ELP3: variants seen among roughly 807,000 people sequenced by gnomAD.
ELP3 encodes the protein elongator acetyltransferase complex subunit 3.
Under a neutral mutation model 74.9 loss-of-function variants are expected in ELP3, and 56 were observed. That is an observed-to-expected ratio of 0.75 (90% CI 0.60 to 0.93). The LOEUF (loss-of-function observed/expected upper bound fraction) is 0.93, where lower values mean the gene tolerates loss of function less well. Among genes scored for constraint, ELP3 ranks in the 40% least tolerant of loss-of-function variants. The pLI is 0.00. For synonymous variants in ELP3, 222 were observed against 239.8 expected (o/e 0.93, Z 0.68); for missense variants, 573 against 686.5 (o/e 0.83, Z 1.85).
chr8:28,154,785 C>A (rs1813765570), intron 10 of ELP3, among the ~76,000 whole-genome samples: 1 of 152,092 alleles, frequency 6.6e-6, no homozygotes. Flanking sequence ...TTACTGATAA[C>A]TGTTAAGTAA....
At chr8:28,138,290 A>G (rs919643515) in intron 10 of ELP3, among the ~76,000 whole-genome samples, 4 of 152,184 alleles carry the variant, frequency 2.6e-5, no homozygotes, top group Non-Finnish European at 5.9e-5. Context: ...AAGTAGCAAC[A>G]ATCACTCTTT....
intron 10 of ELP3, among the ~76,000 whole-genome samples, chr8:28,139,877 G>A (rs539193245): frequency 1.5e-4 from 23 of 152,240 alleles, no homozygotes; most frequent in South Asian, 1.0e-3. Context: ...CCTGGGAGGC[G>A]GAGGTTGCAG....
chr8:28,160,736 C>A (rs1814044255), intron 13 of ELP3, among the ~76,000 whole-genome samples: 1 of 152,066 alleles, frequency 6.6e-6, no homozygotes, highest in South Asian at 2.1e-4. Flanking sequence ...ACTTTGTCAC[C>A]CAGGCCAGAG....
At chr8:28,153,956 C>G (rs755779933) in intron 10 of ELP3, among the ~76,000 whole-genome samples, 7 of 152,158 alleles carry the variant, frequency 4.6e-5, no homozygotes, top group Non-Finnish European at 1.0e-4. Flanking sequence ...CCATGGTATT[C>G]CGCACCTCTT....
chr8:28,169,611 T>C (rs1160506485), intron 14 of ELP3, among the ~76,000 whole-genome samples: 1 of 152,242 alleles, frequency 6.6e-6, no homozygotes, highest in East Asian at 1.9e-4. Flanking sequence ...CTAGAATGTC[T>C]ATATTAGTTA....
chr8:28,168,114 C>T (rs1814379866), intron 14 of ELP3, among the ~76,000 whole-genome samples: 1 of 152,210 alleles, frequency 6.6e-6, no homozygotes, highest in African/African-American at 2.4e-5. Context: ...GAATCAGGTA[C>T]CAGTTTGTAG....
chr8:28,158,868 A>G (rs1813951933), intron 12 of ELP3, among the ~76,000 whole-genome samples: 2 of 152,254 alleles, frequency 1.3e-5, no homozygotes, highest in Non-Finnish European at 2.9e-5. Flanking sequence ...GTCCAGTGGA[A>G]CTTTCTGCAG....
intron 14 of ELP3, among the ~76,000 whole-genome samples, chr8:28,182,794 G>A (rs570563020): frequency 2.0e-5 from 3 of 152,334 alleles, no homozygotes; most frequent in South Asian, 4.1e-4. Flanking sequence ...GCCACGTGGT[G>A]CGTATCTTTT....
chr8:28,186,760 C>T (rs1280964467), intron 14 of ELP3, among the ~76,000 whole-genome samples: 1 of 152,162 alleles, frequency 6.6e-6, no homozygotes, highest in Non-Finnish European at 1.5e-5. Context: ...CTTGTAAAAC[C>T]ACTAGAACTC....
At chr8:28,093,035 G>A, upstream of ELP3, 3 of 1,006,922 alleles carry the variant, frequency 3.0e-6, no homozygotes, top group Non-Finnish European at 4.5e-6. Context: ...CTGCTACCCT[G>A]TTAGTTGCAA....
intron 14 of ELP3, among the ~76,000 whole-genome samples, chr8:28,180,077 G>T (rs997663083): frequency 5.9e-5 from 9 of 152,024 alleles, no homozygotes; most frequent in African/African-American, 2.2e-4. Flanking sequence ...GACTGTCTTG[G>T]TTTTTCTCTA....
At chr8:28,105,747 T>C (rs1049591748) in intron 3 of ELP3, among the ~76,000 whole-genome samples, 3 of 152,220 alleles carry the variant, frequency 2.0e-5, no homozygotes, top group African/African-American at 7.2e-5. Flanking sequence ...TCTCTCTCTT[T>C]CCATGTTTAT....
chr8:28,120,841 C>T (rs1204575840), intron 7 of ELP3, among the ~76,000 whole-genome samples: 1 of 152,142 alleles, frequency 6.6e-6, no homozygotes, highest in Non-Finnish European at 1.5e-5. Flanking sequence ...TGTTAAAAAT[C>T]GAAGGACTCA....
rs756959039 is a variant in ELP3 at position 28,132,262 on chromosome 8, G to A, written c.780-16G>A. The A allele has an allele frequency of 3.1e-6, 5 of 1,613,710 alleles. No homozygotes were observed. Among genetic ancestry groups the A allele is most frequent in the Non-Finnish European group, 4.2e-6 (5 of 1,179,766 alleles). On this transcript the variant is annotated splice_polypyrimidine_tract_variant and intron_variant, in intron 8 of 14. Transcript: ENST00000256398. The stretch of plus-strand genomic sequence containing the variant: ...ATAGGTAGTGATTTTCACAGGTAGT[G>A]ATTTTCTTTCCTTAGGGGCCACACT...
chr8:28,112,013 T>G (rs550339116), intron 6 of ELP3, among the ~76,000 whole-genome samples: 168 of 152,336 alleles, frequency 1.1e-3, no homozygotes, highest in African/African-American at 3.8e-3. Flanking sequence ...GTATACGTTT[T>G]TTGCCATTTT....
chr8:28,165,317 A>G (rs1328381987), intron 14 of ELP3, among the ~76,000 whole-genome samples: 4 of 152,188 alleles, frequency 2.6e-5, no homozygotes, highest in African/African-American at 9.6e-5. Flanking sequence ...AATTTCATCA[A>G]TAATAGATCT....
rs774745436 is a variant in ELP3, at chr8:28,162,130, C to T, written c.1567+52C>T. The T allele has an allele frequency of 3.8e-6, 6 of 1,578,706 alleles. No individual in the cohort carries two copies. The Admixed American group carries it at 5.0e-5, about 13-fold the overall frequency. ...ATTCCTTCCCATTTTGAACTTGGCA[C>T]CACAGTGAAAACTATGTTGGTACCC... On this transcript the variant is annotated intron_variant, in intron 14 of 14. Transcript: ENST00000256398.
chr8:28,092,150 T>C (rs576035378), upstream of ELP3, among the ~76,000 whole-genome samples: 5 of 152,276 alleles, frequency 3.3e-5, no homozygotes, highest in Admixed American at 1.3e-4. Context: ...TAGGGAGATA[T>C]GTGGGCTTCT....
At chr8:28,097,128 T>C in intron 1 of ELP3, 91 bp from the exon 2 acceptor site, 1 of 771,432 alleles carries the variant, frequency 1.3e-6, no homozygotes, top group Non-Finnish European at 2.2e-6. Context: ...CATATTTGTA[T>C]GGTTTCGGAT....
Sources: gnomAD v4.1 joint callset for allele counts (sites outside exome capture counted in the v4.1 genomes callset) on GRCh38, gnomAD v4.1.1 for gene constraint, MANE v1.5 for transcripts, NCBI Gene and HGNC (gene_info 2026-07-23, HGNC 2026-07-21) for gene names.